CCDC175: variants seen among roughly 807,000 people sequenced by gnomAD.
The protein encoded by CCDC175 is coiled-coil domain-containing protein 175.
A neutral mutation model predicts 114.6 loss-of-function variants in CCDC175; 100 were observed. The ratio of observed to expected loss-of-function variants is 0.87; its 90% CI spans 0.74 to 1.03. The LOEUF (loss-of-function observed/expected upper bound fraction) is 1.03. CCDC175 is among the 50% of genes least tolerant of loss of function. The pLI is 0.00. For missense variants in CCDC175, 880 were observed against 917.8 expected (o/e 0.96, Z 0.53); for synonymous variants, 306 against 308.7 (o/e 0.99, Z 0.09).
intron 7 of CCDC175, among the ~76,000 whole-genome samples, chr14:59,552,178 G>A (rs1338809484): frequency 6.6e-6 from 1 of 152,228 alleles, no homozygotes; most frequent in Non-Finnish European, 1.5e-5. Flanking sequence ...TCCTCAAGTG[G>A]GTCCCTGACC....
chr14:59,564,004 TA>T, intron 5 of CCDC175, 145 bp from the exon 6 acceptor site: 1 of 489,924 alleles, frequency 2.0e-6, no homozygotes, highest in Non-Finnish European at 3.1e-6. Flanking sequence ...AAAATAAACC[TA>T]AAAACCAGGG....
intron 3 of CCDC175, among the ~76,000 whole-genome samples, chr14:59,569,010 C>A (rs1167821078): frequency 1.3e-5 from 2 of 152,210 alleles, no homozygotes; most frequent in African/African-American, 2.4e-5. Context: ...TCAGGCTCTG[C>A]TTTTTGGGGG....
chr14:59,546,339 G>A (rs117799695), intron 8 of CCDC175, among the ~76,000 whole-genome samples: 1,807 of 152,274 alleles, frequency 0.012, 16 homozygotes, highest in Non-Finnish European at 0.018. Context: ...AAGTGGGGAA[G>A]GGTTGGAAAA....
At chr14:59,543,016 GA>G (rs1223424675) in intron 10 of CCDC175, among the ~76,000 whole-genome samples, 3 of 152,086 alleles carry the variant, frequency 2.0e-5, no homozygotes, top group East Asian at 1.9e-4. Context: ...TTTTTAATCA[GA>G]AAAAAATTAA....
intron 2 of CCDC175, among the ~76,000 whole-genome samples, chr14:59,574,014 C>T (rs574599987): frequency 1.8e-4 from 27 of 152,150 alleles, no homozygotes; most frequent in African/African-American, 6.0e-4. Flanking sequence ...AAAATCCTAG[C>T]GAAAGACATA....
intron 2 of CCDC175, among the ~76,000 whole-genome samples, chr14:59,573,980 C>T (rs1035453802): frequency 1.3e-5 from 2 of 152,104 alleles, no homozygotes; most frequent in Non-Finnish European, 2.9e-5. Context: ...GATACTTTAA[C>T]CACAATAAAT....
intron 9 of CCDC175, among the ~76,000 whole-genome samples, chr14:59,544,957 C>T (rs1399159756): frequency 6.6e-6 from 1 of 152,226 alleles, no homozygotes; most frequent in African/African-American, 2.4e-5. Flanking sequence ...AAATCAATTT[C>T]TGTTGCTTAA....
chr14:59,546,829 C>A (rs1300025645), intron 8 of CCDC175, among the ~76,000 whole-genome samples: 2 of 151,806 alleles, frequency 1.3e-5, no homozygotes, highest in Non-Finnish European at 2.9e-5. Context: ...AGAGTGAGAT[C>A]CTGTCTCAAA....
chr14:59,515,600 TCAA>T (rs1218197158), intron 17 of CCDC175, among the ~76,000 whole-genome samples: 1 of 152,096 alleles, frequency 6.6e-6, no homozygotes, highest in East Asian at 1.9e-4. Flanking sequence ...AGGGATCAAT[TCAA>T]CAAGAAGAGC....
intron 17 of CCDC175, among the ~76,000 whole-genome samples, chr14:59,514,067 G>C (rs1312746214): frequency 6.6e-6 from 1 of 152,176 alleles, no homozygotes; most frequent in Non-Finnish European, 1.5e-5. Context: ...GTCTGGAGTG[G>C]ACCTCCAGCA....
At chr14:59,545,131 A>G (rs1159857521) in intron 9 of CCDC175, 32 bp downstream of exon 9, 4 of 1,526,550 alleles carry the variant, frequency 2.6e-6, no homozygotes, top group Admixed American at 4.0e-5. Flanking sequence ...TAATGATGGC[A>G]TGTTGAATCA....
chr14:59,553,018 G>A (rs560686505), intron 7 of CCDC175, among the ~76,000 whole-genome samples: 2 of 152,212 alleles, frequency 1.3e-5, no homozygotes, highest in East Asian at 3.8e-4. Context: ...CAGGGAGAAT[G>A]GAACCAAGTT....
intron 15 of CCDC175, 117 bp downstream of exon 15, chr14:59,526,978 G>T: frequency 3.6e-6 from 2 of 558,342 alleles, no homozygotes; most frequent in Non-Finnish European, 3.0e-6. Context: ...ATATTGAATG[G>T]GTAAGTTTAA....
At chr14:59,534,068 G>C (rs575815144) in intron 13 of CCDC175, among the ~76,000 whole-genome samples, 1 of 151,194 alleles carries the variant, frequency 6.6e-6, no homozygotes, top group South Asian at 2.1e-4. Context: ...GTAAATACAA[G>C]TTTGTATGTG....
intron 14 of CCDC175, among the ~76,000 whole-genome samples, chr14:59,528,732 G>A (rs4901937): frequency 0.52 from 78,198 of 151,766 alleles, 21,662 homozygotes; most frequent in African/African-American, 0.72. Flanking sequence ...AAATTTTCTT[G>A]CCTTTCTCTC....
At chr14:59,557,032 T>G (rs1328338264) in intron 7 of CCDC175, among the ~76,000 whole-genome samples, 2 of 152,152 alleles carry the variant, frequency 1.3e-5, no homozygotes, top group Non-Finnish European at 2.9e-5. Flanking sequence ...TGTAAACTAG[T>G]TCAACGATTG....
chr14:59,557,773 ATTAT>A (rs1297669592), intron 7 of CCDC175, among the ~76,000 whole-genome samples: 2 of 152,040 alleles, frequency 1.3e-5, no homozygotes, highest in African/African-American at 2.4e-5. Context: ...GAACTGATGA[ATTAT>A]TTATTTATTT....
intron 6 of CCDC175, among the ~76,000 whole-genome samples, chr14:59,562,436 A>T (rs1374253825): frequency 3.3e-5 from 5 of 152,224 alleles, no homozygotes; most frequent in African/African-American, 1.2e-4. Flanking sequence ...ACCTCATTTA[A>T]TCTTTACAAA....
intron 13 of CCDC175, 141 bp from the exon 14 acceptor site, chr14:59,532,051 C>A (rs1231941335): frequency 9.0e-6 from 5 of 558,246 alleles, no homozygotes; most frequent in Non-Finnish European, 6.3e-6. Flanking sequence ...AGACATATGG[C>A]ATATACTAAT....
Sources: gnomAD v4.1 joint callset for allele counts (sites outside exome capture counted in the v4.1 genomes callset) on GRCh38, gnomAD v4.1.1 for gene constraint, MANE v1.5 for transcripts, NCBI Gene and HGNC (gene_info 2026-07-23, HGNC 2026-07-21) for gene names.